NLGN1: variants seen among roughly 807,000 people sequenced by gnomAD.
NLGN1 encodes neuroligin-1.
In NLGN1, 12 loss-of-function variants were observed where a neutral mutation model predicts 65.5. That is an observed-to-expected ratio of 0.18 (90% CI 0.12 to 0.30). NLGN1 has a LOEUF of 0.30. Among genes scored for constraint, NLGN1 ranks in the 10% least tolerant of loss-of-function variants. The pLI is 1.00. For missense variants in NLGN1, 750 were observed against 1,007.1 expected (o/e 0.74, Z 3.46); for synonymous variants, 350 against 359.5 (o/e 0.97, Z 0.30).
chr3:173,829,827 T>G (rs1722141315), intron 4 of NLGN1, among the ~76,000 whole-genome samples: 1 of 152,150 alleles, frequency 6.6e-6, no homozygotes, highest in African/African-American at 2.4e-5. Context: ...AAAGTTGATA[T>G]TCAGCCCATC....
chr3:173,764,419 T>C (rs1302599799), intron 3 of NLGN1, among the ~76,000 whole-genome samples: 1 of 152,146 alleles, frequency 6.6e-6, no homozygotes, highest in Non-Finnish European at 1.5e-5. Flanking sequence ...GGTTCACTTG[T>C]TCATTAAGCA....
At chr3:173,554,452 C>G (rs1741396983) in intron 2 of NLGN1, among the ~76,000 whole-genome samples, 1 of 152,130 alleles carries the variant, frequency 6.6e-6, no homozygotes, top group Non-Finnish European at 1.5e-5. Context: ...CCCCGAAGTT[C>G]CTCCCATTGT....
intron 3 of NLGN1, among the ~76,000 whole-genome samples, chr3:173,612,926 C>T (rs1752530055): frequency 6.6e-6 from 1 of 152,078 alleles, no homozygotes. Flanking sequence ...TGGCCTTCTG[C>T]CTGTGTATAT....
At chr3:173,631,018 A>G (rs947603315) in intron 3 of NLGN1, among the ~76,000 whole-genome samples, 3 of 152,134 alleles carry the variant, frequency 2.0e-5, no homozygotes, top group African/African-American at 7.2e-5. Flanking sequence ...TTGCCTTCTC[A>G]GGGCAATGAA....
intron 2 of NLGN1, among the ~76,000 whole-genome samples, chr3:173,601,207 CCTT>C (rs1388812588): frequency 1.3e-5 from 2 of 151,844 alleles, no homozygotes; most frequent in African/African-American, 4.8e-5. Flanking sequence ...GATTTTCTGG[CCTT>C]CTTATTTTAA....
At chr3:174,130,669 G>T (rs1719993332) in intron 4 of NLGN1, among the ~76,000 whole-genome samples, 1 of 152,124 alleles carries the variant, frequency 6.6e-6, no homozygotes, top group Admixed American at 6.5e-5. Flanking sequence ...AAATGGCAAA[G>T]GTGTAGCAGG....
intron 2 of NLGN1, among the ~76,000 whole-genome samples, chr3:173,552,073 A>T (rs1362028527): frequency 6.6e-6 from 1 of 152,242 alleles, no homozygotes; most frequent in Admixed American, 6.5e-5. Flanking sequence ...TACTTCCTCC[A>T]TATTGAAATA....
intron 4 of NLGN1, among the ~76,000 whole-genome samples, chr3:173,922,288 ATAAGT>A (rs1262092147): frequency 6.6e-6 from 1 of 152,106 alleles, no homozygotes; most frequent in Non-Finnish European, 1.5e-5. Flanking sequence ...TAAGGCTAAT[ATAAGT>A]TATTTGCCAA....
intron 4 of NLGN1, among the ~76,000 whole-genome samples, chr3:174,198,841 ATTCTTTTT>A: frequency 1.2e-5 from 1 of 82,830 alleles, no homozygotes; most frequent in African/African-American, 4.2e-5. Flanking sequence ...TCATGACTAG[ATTCTTTTT>A]TTTTTTTTTT....
At chr3:174,019,908 C>T (rs1313774503) in intron 4 of NLGN1, among the ~76,000 whole-genome samples, 1 of 152,004 alleles carries the variant, frequency 6.6e-6, no homozygotes, top group Admixed American at 6.6e-5. Flanking sequence ...AAATCTGGCC[C>T]TCAGGTCTAT....
At chr3:173,697,898 G>A (rs926518599) in intron 3 of NLGN1, among the ~76,000 whole-genome samples, 3 of 152,026 alleles carry the variant, frequency 2.0e-5, no homozygotes, top group Non-Finnish European at 1.5e-5. Flanking sequence ...CCCTCTCTGT[G>A]ATTAGAGGGT....
intron 4 of NLGN1, among the ~76,000 whole-genome samples, chr3:173,836,405 A>G (rs1325672984): frequency 1.3e-5 from 2 of 152,144 alleles, no homozygotes; most frequent in Admixed American, 1.3e-4. Context: ...CTATAGTAGT[A>G]ATAATCATAC....
intron 3 of NLGN1, among the ~76,000 whole-genome samples, chr3:173,633,903 A>G (rs1484079914): frequency 6.6e-6 from 1 of 152,166 alleles, no homozygotes; most frequent in Non-Finnish European, 1.5e-5. Context: ...AACCTCTTAC[A>G]TATAATCCAC....
intron 2 of NLGN1, among the ~76,000 whole-genome samples, chr3:173,529,178 C>T (rs1736133421): frequency 6.6e-6 from 1 of 152,154 alleles, no homozygotes; most frequent in African/African-American, 2.4e-5. Context: ...TAGGTAGGGG[C>T]CTTTTGGCTT....
At chr3:174,281,588 A>T in exon 7 of NLGN1, 1 of 311,486 alleles carries the variant, frequency 3.2e-6, no homozygotes, top group Non-Finnish European at 5.9e-6. Context: ...GGAATTAGGC[A>T]TGTGGAACAC....
At chr3:173,434,244 A>G (rs577814990) in intron 1 of NLGN1, among the ~76,000 whole-genome samples, 98 of 152,310 alleles carry the variant, frequency 6.4e-4, no homozygotes, top group African/African-American at 2.3e-3. Context: ...AAAATCTTTA[A>G]AAGTAGCAAA....
At chr3:174,237,747 G>A (rs934238925) in intron 4 of NLGN1, among the ~76,000 whole-genome samples, 1 of 152,060 alleles carries the variant, frequency 6.6e-6, no homozygotes, top group African/African-American at 2.4e-5. Flanking sequence ...AGTAGAGTTG[G>A]GGTTTCACCA....
At chr3:174,212,048 C>T (rs1377927370) in intron 4 of NLGN1, among the ~76,000 whole-genome samples, 25 of 152,158 alleles carry the variant, frequency 1.6e-4, no homozygotes, top group Admixed American at 1.6e-3. Flanking sequence ...GAGGCTCGGG[C>T]TGCACAGGAA....
chr3:173,890,948 A>G (rs1267460520), intron 4 of NLGN1, among the ~76,000 whole-genome samples: 1 of 152,158 alleles, frequency 6.6e-6, no homozygotes, highest in Non-Finnish European at 1.5e-5. Flanking sequence ...TAAATATTGA[A>G]TCCTTCATCA....
Sources: gnomAD v4.1 joint callset for allele counts (sites outside exome capture counted in the v4.1 genomes callset) on GRCh38, gnomAD v4.1.1 for gene constraint, MANE v1.5 for transcripts, NCBI Gene and HGNC (gene_info 2026-07-23, HGNC 2026-07-21) for gene names.